The following STAG1 variants were observed in gnomAD, a reference collection of about 807,000 sequenced individuals.
The protein encoded by STAG1 is cohesin subunit SA-1.
Under a neutral mutation model 170.9 loss-of-function variants are expected in STAG1, and 26 were observed. The observed-to-expected ratio is 0.15, with a 90% CI of 0.11 to 0.21. The LOEUF (loss-of-function observed/expected upper bound fraction) is 0.21, where lower values mean the gene tolerates loss of function less well. Ranked by LOEUF, STAG1 falls within the 10% of genes least tolerant of loss-of-function variation. STAG1 has a pLI of 1.00. For missense variants in STAG1, 964 were observed against 1,509.5 expected (o/e 0.64, Z 5.99); for synonymous variants, 514 against 497.7 (o/e 1.03, Z -0.44).
intron 1 of STAG1, among the ~76,000 whole-genome samples, chr3:136,728,695 A>G (rs1933827815): frequency 6.6e-6 from 1 of 152,186 alleles, no homozygotes; most frequent in Non-Finnish European, 1.5e-5. Context: ...ATTGTGGTTA[A>G]CAACTACCAC....
At chr3:136,478,221 G>A (rs1476437331) in intron 9 of STAG1, among the ~76,000 whole-genome samples, 1 of 152,160 alleles carries the variant, frequency 6.6e-6, no homozygotes, top group East Asian at 1.9e-4. Flanking sequence ...CACCTCTAGT[G>A]ACAATGGTAA....
chr3:136,557,601 G>A (rs1057428746), intron 5 of STAG1, among the ~76,000 whole-genome samples: 1 of 152,148 alleles, frequency 6.6e-6, no homozygotes, highest in Non-Finnish European at 1.5e-5. Context: ...GGGGTGCAGT[G>A]GTGTGAGCTC....
At chr3:136,538,788 G>A (rs1196688888) in intron 6 of STAG1, among the ~76,000 whole-genome samples, 2 of 152,116 alleles carry the variant, frequency 1.3e-5, no homozygotes, top group East Asian at 3.9e-4. Flanking sequence ...AAGGAGCATG[G>A]TGAAGAGAGA....
chr3:136,740,114 G>A (rs978409243), intron 1 of STAG1, among the ~76,000 whole-genome samples: 5 of 152,018 alleles, frequency 3.3e-5, no homozygotes, highest in Non-Finnish European at 5.9e-5. Flanking sequence ...TTTAAAGCAC[G>A]GTGGCAGGCA....
At chr3:136,386,092 C>T (rs1011388581) in intron 22 of STAG1, among the ~76,000 whole-genome samples, 2 of 152,126 alleles carry the variant, frequency 1.3e-5, no homozygotes, top group East Asian at 1.9e-4. Flanking sequence ...AATCCCAGCA[C>T]TTTGGGAGGC....
intron 1 of STAG1, among the ~76,000 whole-genome samples, chr3:136,672,702 G>A (rs775326795): frequency 3.3e-5 from 5 of 152,018 alleles, no homozygotes; most frequent in African/African-American, 9.7e-5. Context: ...ACTCCACCCC[G>A]CAACACACAC....
In STAG1 at chr3:136,443,702, C is replaced by T. The variant is rs1019849770; in HGVS notation, c.1429-298G>A. On this transcript the variant is annotated intron_variant, in intron 14 of 33. Transcript: ENST00000383202. ...TTAGAAAATTTTCTGAAGTTATATG[C>T]TGGATCTAGGTCACTTTTCCCTACT... Among the ~76,000 whole-genome samples, 5 of 152,150 alleles carry T rather than the reference C, an allele frequency of 3.3e-5. No homozygotes were observed. In the South Asian group the frequency reaches 1.0e-3, roughly 32 times the overall value.
chr3:136,584,639 T>C (rs1937715882), intron 4 of STAG1, among the ~76,000 whole-genome samples: 1 of 152,220 alleles, frequency 6.6e-6, no homozygotes. Flanking sequence ...TGAAGATACA[T>C]CCAATATCTT....
Position 136,452,166 on chromosome 3 carries a change from G to T in STAG1, c.1314-19C>A. 1 of 1,505,442 alleles carries T rather than the reference G, an allele frequency of 6.6e-7. No individual in the cohort carries two copies. The highest frequency in any genetic ancestry group is 9.2e-7 in the Non-Finnish European group (1 of 1,085,254). 93.3% of individuals were successfully genotyped at this position (1,505,442 alleles called of 1,614,324 possible). On this transcript the variant is annotated intron_variant, in intron 13 of 33. Coordinates refer to ENST00000383202, the MANE Select transcript of STAG1 (RefSeq NM_005862.3). The stretch of plus-strand genomic sequence containing the variant: ...AAATAGCCTGGAAATGAAAAACAGG[G>T]CATTGCAAAGTTACATGAATATGAA...
chr3:136,367,748 C>T (rs1222983755), intron 24 of STAG1, among the ~76,000 whole-genome samples: 2 of 152,094 alleles, frequency 1.3e-5, no homozygotes, highest in Non-Finnish European at 2.9e-5. Context: ...ACATTATCAA[C>T]TGAGAAACAA....
Position 136,425,109 on chromosome 3 carries a change from T to A in STAG1, c.1651-2065A>T, listed in dbSNP as rs140864461. Among the ~76,000 whole-genome samples the A allele has an allele frequency of 1.2e-3, 181 of 152,108 alleles. 1 individual carries two copies. The highest frequency in any genetic ancestry group is 4.0e-3 in the African/African-American group (166 of 41,510). On this transcript the variant is annotated intron_variant, in intron 16 of 33. Coordinates refer to ENST00000383202, the MANE Select transcript of STAG1 (RefSeq NM_005862.3). ...CGCCCCGGCCTCCCAAAGTGTTGGG[T>A]TTACAGGCATGAGCCACCATGCCCA...
intron 4 of STAG1, among the ~76,000 whole-genome samples, chr3:136,583,511 C>T (rs760329500): frequency 2.5e-4 from 38 of 152,026 alleles, no homozygotes; most frequent in Non-Finnish European, 2.4e-4. Flanking sequence ...TAATAAGGGC[C>T]GGTGCAGTAG....
intron 7 of STAG1, among the ~76,000 whole-genome samples, chr3:136,515,070 A>C (rs2107893277): frequency 6.6e-6 from 1 of 152,224 alleles, no homozygotes; most frequent in East Asian, 1.9e-4. Context: ...TTAAAAAAAA[A>C]ATCACAACGT....
At chr3:136,344,687 C>T (rs1936143961) in intron 29 of STAG1, among the ~76,000 whole-genome samples, 1 of 152,102 alleles carries the variant, frequency 6.6e-6, no homozygotes, top group African/African-American at 2.4e-5. Context: ...GATCTCGGCT[C>T]ACTGCAACCT....
chr3:136,505,459 T>C (rs1933709335), intron 7 of STAG1, among the ~76,000 whole-genome samples: 1 of 152,252 alleles, frequency 6.6e-6, no homozygotes, highest in African/African-American at 2.4e-5. Flanking sequence ...GACAATTTAA[T>C]GCCTGTTGAT....
intron 16 of STAG1, among the ~76,000 whole-genome samples, chr3:136,426,973 T>G (rs112469768): frequency 6.6e-6 from 1 of 150,534 alleles, no homozygotes; most frequent in Admixed American, 6.7e-5. Flanking sequence ...GGCAGGAGAA[T>G]GGCATGAACC....
intron 5 of STAG1, among the ~76,000 whole-genome samples, chr3:136,549,073 T>C (rs944353124): frequency 1.2e-4 from 18 of 152,184 alleles, no homozygotes; most frequent in Admixed American, 5.2e-4. Flanking sequence ...TATAAATTAC[T>C]CGGTCTCAGA....
chr3:136,371,330 C>A (rs1400976029), intron 23 of STAG1, among the ~76,000 whole-genome samples: 2 of 151,936 alleles, frequency 1.3e-5, no homozygotes, highest in Non-Finnish European at 2.9e-5. Flanking sequence ...ATGGTAGTTT[C>A]TTTTGCTGTG....
intron 8 of STAG1, among the ~76,000 whole-genome samples, chr3:136,501,777 C>T (rs113731701): frequency 7.1e-4 from 108 of 152,188 alleles, no homozygotes; most frequent in African/African-American, 2.4e-3. Flanking sequence ...ATTATTCATA[C>T]GTAATTCCTT....
Sources: gnomAD v4.1 joint callset for allele counts (sites outside exome capture counted in the v4.1 genomes callset) on GRCh38, gnomAD v4.1.1 for gene constraint, MANE v1.5 for transcripts, NCBI Gene and HGNC (gene_info 2026-07-23, HGNC 2026-07-21) for gene names.